Variants in TRAF3 observed in about 807,000 individuals in gnomAD.
The protein encoded by TRAF3 is TNF receptor associated factor 3, also known as TNF receptor-associated factor 3.
In TRAF3, 13 loss-of-function variants were observed where a neutral mutation model predicts 62.3. The ratio of observed to expected loss-of-function variants is 0.21; its 90% CI spans 0.14 to 0.33. The LOEUF (loss-of-function observed/expected upper bound fraction) is 0.33, where lower values mean the gene tolerates loss of function less well. Ranked by LOEUF, TRAF3 falls within the 10% of genes least tolerant of loss-of-function variation. The probability of loss-of-function intolerance (pLI) is 1.00; values close to 1 mark genes in which losing one functional copy is unlikely to be tolerated. For synonymous variants in TRAF3, 269 were observed against 283.4 expected, an observed-to-expected ratio of 0.95 and a Z score of 0.51; for missense variants, 440 against 741.8, an observed-to-expected ratio of 0.59 and a Z score of 4.73.
At chr14:102,847,260 C>T (rs1281302809) in intron 2 of TRAF3, among the ~76,000 whole-genome samples, 4 of 152,112 alleles carry the variant, frequency 2.6e-5, no homozygotes, top group East Asian at 1.9e-4. Context: ...CTGCAGCCTC[C>T]GCCTCCTGGG....
chr14:102,791,017 TTTC>T (rs1175093925), intron 1 of TRAF3, among the ~76,000 whole-genome samples: 2 of 151,562 alleles, frequency 1.3e-5, no homozygotes, highest in East Asian at 1.9e-4. Flanking sequence ...TGTCTTTTCT[TTTC>T]TTTTTTTTTT....
intron 1 of TRAF3, among the ~76,000 whole-genome samples, chr14:102,787,176 C>T (rs780117961): frequency 4.6e-5 from 7 of 152,054 alleles, no homozygotes; most frequent in African/African-American, 7.2e-5. Flanking sequence ...GAAGAAATAC[C>T]GGTGGGAGTA....
chr14:102,818,965 T>TA (rs946179823), intron 1 of TRAF3, among the ~76,000 whole-genome samples: 4 of 151,616 alleles, frequency 2.6e-5, no homozygotes, highest in African/African-American at 9.7e-5. Flanking sequence ...TTAAATTTTT[T>TA]AAAAATTACA....
intron 1 of TRAF3, among the ~76,000 whole-genome samples, chr14:102,788,289 A>G (rs527484688): frequency 1.5e-4 from 23 of 152,312 alleles, no homozygotes; most frequent in Non-Finnish European, 2.8e-4. Flanking sequence ...TTCACATAAC[A>G]TACAATTAAG....
intron 2 of TRAF3, among the ~76,000 whole-genome samples, chr14:102,860,362 G>A (rs984743489): frequency 5.4e-4 from 82 of 152,044 alleles, no homozygotes; most frequent in African/African-American, 1.7e-3. Flanking sequence ...AATAATTCTC[G>A]GGGTTCCATG....
chr14:102,827,038 G>A (rs1481534250), intron 1 of TRAF3, among the ~76,000 whole-genome samples: 1 of 152,198 alleles, frequency 6.6e-6, no homozygotes, highest in Non-Finnish European at 1.5e-5. Flanking sequence ...AGGCGTGCAA[G>A]GTCCCCTTGC....
At chr14:102,854,801 G>GTTTTTTTTTTT (rs35634271) in intron 2 of TRAF3, among the ~76,000 whole-genome samples, 2 of 136,870 alleles carry the variant, frequency 1.5e-5, no homozygotes, top group Non-Finnish European at 1.6e-5. Context: ...GCACCTGGCT[G>GTTTTTTTTTTT]TTTTTTTTTT....
At chr14:102,829,377 G>A (rs1395722987) in intron 1 of TRAF3, among the ~76,000 whole-genome samples, 1 of 152,178 alleles carries the variant, frequency 6.6e-6, no homozygotes, top group African/African-American at 2.4e-5. Context: ...GTAGTCCATT[G>A]AGCTCAGTTC....
intron 6 of TRAF3, among the ~76,000 whole-genome samples, chr14:102,879,548 C>T (rs991359178): frequency 3.9e-5 from 6 of 152,012 alleles, no homozygotes; most frequent in East Asian, 1.9e-4. Context: ...CGTGAGCCAT[C>T]GCACCCAGCC....
chr14:102,849,055 G>A (rs771220311), intron 2 of TRAF3, among the ~76,000 whole-genome samples: 38 of 152,100 alleles, frequency 2.5e-4, no homozygotes, highest in Non-Finnish European at 2.2e-4. Flanking sequence ...TCCCACCTCC[G>A]CCTCCCAAAG....
At chr14:102,835,830 G>A (rs879455875) in intron 2 of TRAF3, among the ~76,000 whole-genome samples, 2 of 152,144 alleles carry the variant, frequency 1.3e-5, no homozygotes, top group Non-Finnish European at 2.9e-5. Context: ...GGGTTACAAA[G>A]TAATCTGTAC....
intron 10 of TRAF3, among the ~76,000 whole-genome samples, chr14:102,898,219 T>C (rs960015559): frequency 2.0e-5 from 3 of 152,268 alleles, no homozygotes; most frequent in Non-Finnish European, 4.4e-5. Context: ...AGATGAGTCA[T>C]AGTGACTTGA....
At chr14:102,898,372 C>T (rs564570748) in intron 10 of TRAF3, among the ~76,000 whole-genome samples, 2 of 152,322 alleles carry the variant, frequency 1.3e-5, no homozygotes, top group East Asian at 1.9e-4. Context: ...AAATAAAGTA[C>T]AATGTTTCTT....
chr14:102,864,414 C>T, intron 2 of TRAF3, among the ~76,000 whole-genome samples: 1 of 152,126 alleles, frequency 6.6e-6, no homozygotes, highest in African/African-American at 2.4e-5. Flanking sequence ...TCCCAAAGTG[C>T]TGGGATTACA....
intron 1 of TRAF3, among the ~76,000 whole-genome samples, chr14:102,782,898 T>G (rs964487769): frequency 1.3e-5 from 2 of 152,126 alleles, no homozygotes; most frequent in African/African-American, 4.8e-5. Context: ...CTAAATTGAT[T>G]AACCAAGTGG....
rs145126372 is a variant in TRAF3, at chr14:102,905,565, C to T, written c.1488C>T (p.Leu496=). The change falls in exon 12 of 12, where the codon CTC becomes CTT. Residue 496 remains leucine, a synonymous_variant. Transcript: ENST00000392745. ...LPWPFKQKVT[L]MLMDQGSSRR... ...GGCCGTTTAAGCAGAAAGTGACACT[C>T]ATGCTGATGGATCAGGGGTCCTCTC... is the stretch of plus-strand genomic sequence containing the variant. 6.2e-7 allele frequency: 1 copy of T among 1,614,072 alleles called. No individual in the cohort carries two copies. The highest frequency in any genetic ancestry group is 8.5e-7 in the Non-Finnish European group (1 of 1,180,046).
At chr14:102,854,687 T>G (rs1338298901) in intron 2 of TRAF3, among the ~76,000 whole-genome samples, 1 of 151,914 alleles carries the variant, frequency 6.6e-6, no homozygotes, top group Non-Finnish European at 1.5e-5. Context: ...TTTGTAGAGA[T>G]GGGGTTTTTT....
intron 1 of TRAF3, among the ~76,000 whole-genome samples, chr14:102,780,294 G>C (rs1225186062): frequency 1.1e-4 from 17 of 151,376 alleles, no homozygotes; most frequent in Admixed American, 4.6e-4. Context: ...GACGCGAATG[G>C]AAATAGAAGA....
intron 8 of TRAF3, among the ~76,000 whole-genome samples, chr14:102,890,334 T>G (rs891397267): frequency 1.3e-5 from 2 of 152,250 alleles, no homozygotes; most frequent in African/African-American, 4.8e-5. Context: ...AATTAAAGTA[T>G]TTTATATTTT....
Sources: gnomAD v4.1 joint callset for allele counts (sites outside exome capture counted in the v4.1 genomes callset) on GRCh38, gnomAD v4.1.1 for gene constraint, MANE v1.5 for transcripts, NCBI Gene and HGNC (gene_info 2026-07-23, HGNC 2026-07-21) for gene names.